Variants in TBC1D22A observed in about 807,000 individuals in gnomAD.
The protein encoded by TBC1D22A is TBC1 domain family member 22A.
TBC1D22A carries 38 observed loss-of-function variants against 60.2 expected under a neutral mutation model. That is an observed-to-expected ratio of 0.63 (90% CI 0.49 to 0.83). The LOEUF is 0.83. Ranked by LOEUF, TBC1D22A falls within the 40% of genes least tolerant of loss-of-function variation. The pLI is 0.00. For missense variants in TBC1D22A, 628 were observed against 701.0 expected (o/e 0.90, Z 1.18); for synonymous variants, 302 against 281.7 (o/e 1.07, Z -0.72).
chr22:47,127,756 A>G (rs1300091648), intron 12 of TBC1D22A, among the ~76,000 whole-genome samples: 3 of 151,970 alleles, frequency 2.0e-5, no homozygotes, highest in African/African-American at 7.3e-5. Context: ...CTGGGGCCAC[A>G]GGGAGTGGGC....
chr22:46,946,523 T>C (rs976938242), intron 8 of TBC1D22A, among the ~76,000 whole-genome samples: 1 of 152,118 alleles, frequency 6.6e-6, no homozygotes, highest in Non-Finnish European at 1.5e-5. Context: ...GATAGAGCTG[T>C]AAGATCCAAG....
At chr22:47,057,126 G>T (rs184247171) in intron 11 of TBC1D22A, among the ~76,000 whole-genome samples, 3 of 152,206 alleles carry the variant, frequency 2.0e-5, no homozygotes, top group African/African-American at 7.2e-5. Flanking sequence ...GTTGGATTCC[G>T]AGGCTGTTTT....
intron 8 of TBC1D22A, among the ~76,000 whole-genome samples, chr22:46,928,786 T>C (rs1311851471): frequency 6.6e-6 from 1 of 152,236 alleles, no homozygotes; most frequent in East Asian, 1.9e-4. Context: ...AATATACAAA[T>C]GAGCAATAAA....
intron 10 of TBC1D22A, among the ~76,000 whole-genome samples, chr22:47,015,375 A>T (rs947497437): frequency 2.6e-5 from 4 of 152,194 alleles, no homozygotes; most frequent in African/African-American, 9.7e-5. Context: ...AGGAACAATG[A>T]ATGCCTTCGG....
At chr22:46,782,939 T>A (rs1283818410) in intron 1 of TBC1D22A, among the ~76,000 whole-genome samples, 1 of 152,198 alleles carries the variant, frequency 6.6e-6, no homozygotes, top group African/African-American at 2.4e-5. Flanking sequence ...TTGGTGTGGA[T>A]GTGTATTTTC....
At chr22:46,889,424 T>C (rs1417059262) in intron 5 of TBC1D22A, among the ~76,000 whole-genome samples, 1 of 152,188 alleles carries the variant, frequency 6.6e-6, no homozygotes, top group Non-Finnish European at 1.5e-5. Flanking sequence ...TGTCGGAATG[T>C]AAAGTGGAGT....
At chr22:47,110,251 G>A (rs569281878) in intron 11 of TBC1D22A, among the ~76,000 whole-genome samples, 4 of 152,236 alleles carry the variant, frequency 2.6e-5, no homozygotes, top group East Asian at 3.9e-4. Context: ...AGGCTGAGGC[G>A]AGTGGATCAC....
intron 12 of TBC1D22A, among the ~76,000 whole-genome samples, chr22:47,122,133 A>G: frequency 6.6e-6 from 1 of 152,118 alleles, no homozygotes; most frequent in African/African-American, 2.4e-5. Flanking sequence ...GTAACACATG[A>G]GGGGCACTGG....
chr22:46,790,814 GCTTTATGTC>G (rs1206013580), intron 1 of TBC1D22A, among the ~76,000 whole-genome samples: 41 of 152,160 alleles, frequency 2.7e-4, no homozygotes, highest in Non-Finnish European at 3.7e-4. Context: ...TTTAATGTGT[GCTTTATGTC>G]CCAAGCTTTC....
intron 4 of TBC1D22A, among the ~76,000 whole-genome samples, chr22:46,842,600 T>C (rs1456908334): frequency 6.6e-6 from 1 of 152,252 alleles, no homozygotes; most frequent in African/African-American, 2.4e-5. Flanking sequence ...ATTTACACCA[T>C]GAAATGTACA....
At chr22:47,133,513 CGTT>C (rs1339983917) in intron 12 of TBC1D22A, among the ~76,000 whole-genome samples, 1 of 152,190 alleles carries the variant, frequency 6.6e-6, no homozygotes, top group Non-Finnish European at 1.5e-5. Flanking sequence ...CTCCCAATGC[CGTT>C]GTGAAATTCT....
chr22:46,943,734 C>T (rs2072327199), intron 8 of TBC1D22A, among the ~76,000 whole-genome samples: 1 of 152,230 alleles, frequency 6.6e-6, no homozygotes. Context: ...CCCCTGGTGA[C>T]CACTGATCTG....
chr22:47,168,442 GAT>G (rs1184855797), intron 12 of TBC1D22A, among the ~76,000 whole-genome samples: 1 of 152,170 alleles, frequency 6.6e-6, no homozygotes, highest in African/African-American at 2.4e-5. Context: ...CGGTTTTGGG[GAT>G]ATAGGGACAC....
In TBC1D22A at chr22:47,024,285, C is replaced by CA. The variant is rs1455568942; in HGVS notation, c.1202-12779dup. Among the ~76,000 whole-genome samples the CA allele has an allele frequency of 2.6e-5, 4 of 151,760 alleles. No homozygotes were observed. In the East Asian group the frequency reaches 5.8e-4, roughly 22 times the overall value. ...ATACTCAATTAATATAAAAGAAGGCCAAAAAAAGGAAAAGTGGAACAAAGA... is the reference window on the plus strand; with the variant it reads ...ATACTCAATTAATATAAAAGAAGGCCAAAAAAAAGGAAAAGTGGAACAAAGA... On this transcript the variant is annotated intron_variant, in intron 10 of 12. Transcript: ENST00000337137.
chr22:46,977,453 G>A (rs976909239), intron 9 of TBC1D22A, among the ~76,000 whole-genome samples: 11 of 152,186 alleles, frequency 7.2e-5, no homozygotes, highest in Non-Finnish European at 1.3e-4. Context: ...TGGTGGGATG[G>A]AGCAGGGGGA....
At chr22:47,131,513 C>G (rs1038096498) in intron 12 of TBC1D22A, among the ~76,000 whole-genome samples, 4 of 152,198 alleles carry the variant, frequency 2.6e-5, no homozygotes, top group African/African-American at 4.8e-5. Flanking sequence ...CCCCCTGCCC[C>G]CTGTGGGCTC....
intron 1 of TBC1D22A, among the ~76,000 whole-genome samples, chr22:46,769,906 C>T (rs1021639202): frequency 1.2e-4 from 18 of 151,906 alleles, no homozygotes; most frequent in Non-Finnish European, 1.9e-4. Flanking sequence ...CACTGATGGG[C>T]GGGGTGCTGG....
At chr22:46,792,449 G>T in intron 1 of TBC1D22A, 71 bp from the exon 2 acceptor site, 1 of 1,606,180 alleles carries the variant, frequency 6.2e-7, no homozygotes. Flanking sequence ...CCCACCTTTC[G>T]GCTGAGCTGG....
At chr22:47,039,682 C>G (rs11912458) in intron 11 of TBC1D22A, among the ~76,000 whole-genome samples, 2,275 of 141,914 alleles carry the variant, frequency 0.016, 65 homozygotes, top group African/African-American at 0.057. Flanking sequence ...CGCGTGCTCC[C>G]TCATGGATGC....
Sources: allele counts gnomAD v4.1 joint callset (sites outside exome capture counted in the v4.1 genomes callset), GRCh38; gene constraint gnomAD v4.1.1; transcripts MANE v1.5; gene names NCBI Gene and HGNC (gene_info 2026-07-23, HGNC 2026-07-21).